ADGRV1: variants seen among roughly 807,000 people sequenced by gnomAD.
ADGRV1 encodes the protein adhesion G protein-coupled receptor V1.
ADGRV1 carries 359 observed loss-of-function variants against 596.2 expected under a neutral mutation model. The ratio of observed to expected loss-of-function variants is 0.60; its 90% CI spans 0.55 to 0.66. The LOEUF (loss-of-function observed/expected upper bound fraction) is 0.66. Ranked by LOEUF, ADGRV1 falls within the 30% of genes least tolerant of loss-of-function variation. ADGRV1 has a pLI of 0.00. For synonymous variants in ADGRV1, 2,681 were observed against 2,679.2 expected (o/e 1.00, Z -0.02); for missense variants, 7,274 against 7,575.6 (o/e 0.96, Z 1.48).
intron 19 of ADGRV1, 96 bp from the exon 20 acceptor site, chr5:90,653,113 C>A: frequency 8.5e-7 from 1 of 1,182,404 alleles, no homozygotes; most frequent in Non-Finnish European, 1.2e-6. Flanking sequence ...ATTATTTAAC[C>A]AGAAGTTTGT....
rs1449664376 is a variant in ADGRV1 at position 90,892,947 on chromosome 5, A to G, written c.17856+29090A>G. 1.5e-4 allele frequency among the ~76,000 whole-genome samples: 23 copies of G among 152,188 alleles called. 1 individual carries two copies. The highest frequency in any genetic ancestry group is 1.5e-5 in the Non-Finnish European group (1 of 68,038). ...GGCCAAGATGGAGTAACAGGGGTAG[A>G]TGAGTTGCAAGCAGATTTGTCTATT... On this transcript the variant is annotated intron_variant, in intron 83 of 89. Transcript: ENST00000405460.
At position 90,614,737 on chromosome 5, in the gene ADGRV1, C is replaced by T. The variant is rs766077907; in HGVS notation, c.23-98C>T. On this transcript the variant is annotated intron_variant, in intron 1 of 89. Coordinates refer to ENST00000405460, the MANE Select transcript of ADGRV1 (RefSeq NM_032119.4). ...TATTTATGTCTTAGTTGTTTGCTGT[C>T]TAACTCTTCATACTATGTTTATATC... 24 of 913,070 alleles carry T rather than the reference C, an allele frequency of 2.6e-5. No homozygotes were observed. In the African/African-American group the frequency reaches 3.1e-4, roughly 12 times the overall value. The allele number at this position is 913,070 out of a possible 1,614,324, so 56.6% of individuals were successfully genotyped here.
Position 90,802,950 on chromosome 5 carries a change from ACT to A in ADGRV1, c.14661+71_14661+72del, listed in dbSNP as rs373848823. On this transcript the variant is annotated intron_variant, in intron 71 of 89. Coordinates refer to ENST00000405460, the MANE Select transcript of ADGRV1 (RefSeq NM_032119.4). ...GGCAGCTTTTACAGGAAGGACGGAG[ACT>A]CTTAGAGCTAGAATTTCTCATGAGT... 130 of 1,346,206 alleles carry A rather than the reference ACT, an allele frequency of 9.7e-5. No homozygotes were observed. In the African/African-American group the frequency reaches 1.1e-3, roughly 12 times the overall value. The allele number at this position is 1,346,206 out of a possible 1,614,324, so 83.4% of individuals were successfully genotyped here.
chr5:90,855,780 A>G lies in ADGRV1; in HGVS notation c.17634A>G (p.Glu5878=). ...SDSQFCKVVE[E]TADYVECACS... The stretch of plus-strand genomic sequence containing the variant: ...GTCAGTTTTGCAAAGTGGTTGAGGA[A>G]ACTGCAGACTATGTGGAATGTGCCT... The change falls in exon 82 of 90, where the codon GAA becomes GAG. Residue 5878 remains glutamate, a synonymous_variant. Coordinates refer to ENST00000405460, the MANE Select transcript of ADGRV1 (RefSeq NM_032119.4). 1 of 1,594,502 alleles carries G rather than the reference A, an allele frequency of 6.3e-7. No individual in the cohort carries two copies. Among genetic ancestry groups the G allele is most frequent in the Non-Finnish European group, 8.5e-7 (1 of 1,171,610 alleles).
At chr5:91,035,703 C>T (rs1042987195) in intron 85 of ADGRV1, among the ~76,000 whole-genome samples, 1 of 151,222 alleles carries the variant, frequency 6.6e-6, no homozygotes, top group African/African-American at 2.4e-5. Flanking sequence ...AAATCTTCCT[C>T]TATCACTTAC....
At chr5:90,726,933 A>G (rs1751869898) in intron 48 of ADGRV1, among the ~76,000 whole-genome samples, 2 of 152,168 alleles carry the variant, frequency 1.3e-5, no homozygotes, top group South Asian at 2.1e-4. Flanking sequence ...ACTTAAATAT[A>G]TTTTTGGTAC....
intron 70 of ADGRV1, among the ~76,000 whole-genome samples, chr5:90,796,061 G>A (rs189461222): frequency 7.9e-5 from 12 of 152,236 alleles, no homozygotes; most frequent in East Asian, 1.9e-4. Context: ...AAACCAGAAC[G>A]CTGCTTCTCC....
chr5:90,657,624 A>G (rs1769608334), intron 20 of ADGRV1, among the ~76,000 whole-genome samples: 1 of 152,000 alleles, frequency 6.6e-6, no homozygotes. Context: ...TTTTTTCTAG[A>G]AATGTTGACA....
rs1223934606 is a variant in ADGRV1 at position 90,690,777 on chromosome 5, C to T, written c.6707-20C>T. On this transcript the variant is annotated intron_variant, in intron 30 of 89. Transcript: ENST00000405460. ...TTTCACTTTGTATTTGAAATGAACT[C>T]TGCTCTGTCTACCCTTCAGGTTTTC... 1 of 1,581,926 alleles carries T rather than the reference C, an allele frequency of 6.3e-7. No individual in the cohort carries two copies. The highest frequency in any genetic ancestry group is 8.6e-7 in the Non-Finnish European group (1 of 1,161,994).
chr5:91,137,241 G>T (rs1447624678), intron 87 of ADGRV1, among the ~76,000 whole-genome samples: 1 of 151,792 alleles, frequency 6.6e-6, no homozygotes, highest in Non-Finnish European at 1.5e-5. Flanking sequence ...TTGAGCCACT[G>T]TACCCAGCCC....
At chr5:91,029,497 A>G (rs1454689984) in intron 85 of ADGRV1, among the ~76,000 whole-genome samples, 1 of 152,188 alleles carries the variant, frequency 6.6e-6, no homozygotes, top group Non-Finnish European at 1.5e-5. Flanking sequence ...CTAGAAATGA[A>G]ATTGCTTGAC....
At chr5:90,897,542 AC>A in intron 83 of ADGRV1, among the ~76,000 whole-genome samples, 1 of 152,222 alleles carries the variant, frequency 6.6e-6, no homozygotes, top group East Asian at 1.9e-4. Flanking sequence ...CTCAACAAAT[AC>A]GAATATCATT....
At chr5:90,853,789 A>G (rs1484729975) in intron 80 of ADGRV1, among the ~76,000 whole-genome samples, 3 of 152,216 alleles carry the variant, frequency 2.0e-5, no homozygotes, top group Admixed American at 6.5e-5. Context: ...TTTAACTAAT[A>G]TACTATTACG....
intron 27 of ADGRV1, among the ~76,000 whole-genome samples, chr5:90,682,952 T>G (rs943267744): frequency 3.3e-5 from 5 of 152,240 alleles, no homozygotes; most frequent in African/African-American, 1.2e-4. Flanking sequence ...AAAGTAAATG[T>G]GATTTGTTTT....
At chr5:90,819,399 T>C (rs1023420455) in intron 75 of ADGRV1, among the ~76,000 whole-genome samples, 6 of 151,662 alleles carry the variant, frequency 4.0e-5, no homozygotes, top group African/African-American at 1.5e-4. Context: ...GAAGAGTTTT[T>C]TGTGTCTCTA....
chr5:90,953,865 T>C (rs969330233), intron 83 of ADGRV1, among the ~76,000 whole-genome samples: 3 of 152,082 alleles, frequency 2.0e-5, no homozygotes, highest in Non-Finnish European at 4.4e-5. Context: ...ATTTATTTCA[T>C]TTTTCATTCC....
intron 83 of ADGRV1, among the ~76,000 whole-genome samples, chr5:90,957,424 T>C (rs1777571996): frequency 6.6e-6 from 1 of 151,746 alleles, no homozygotes; most frequent in East Asian, 1.9e-4. Context: ...TTGGTGTTAA[T>C]GACTCATAAA....
In ADGRV1 at chr5:90,759,106, C is replaced by T. The variant is rs576822721; in HGVS notation, c.11941-303C>T. On this transcript the variant is annotated intron_variant, in intron 57 of 89. Transcript: ENST00000405460. ...TCTGTAAATAATACTCTTATCACAT[C>T]AATAATGTTTTATCTTGAAAATAAT... is the stretch of plus-strand genomic sequence containing the variant. 1.1e-4 allele frequency among the ~76,000 whole-genome samples: 16 copies of T among 152,134 alleles called. No homozygotes were observed. In the South Asian group the frequency reaches 2.1e-3, roughly 20 times the overall value.
intron 84 of ADGRV1, among the ~76,000 whole-genome samples, chr5:90,976,310 G>A (rs1468069872): frequency 1.6e-5 from 2 of 121,626 alleles, no homozygotes; most frequent in Non-Finnish European, 3.4e-5. Context: ...GTGTGTGTGT[G>A]TGTGTGTGTG....
Sources: allele counts gnomAD v4.1 joint callset (sites outside exome capture counted in the v4.1 genomes callset), GRCh38; gene constraint gnomAD v4.1.1; transcripts MANE v1.5; gene names NCBI Gene and HGNC (gene_info 2026-07-23, HGNC 2026-07-21).